Variants in CEP95 observed in about 807,000 individuals in gnomAD.
The protein encoded by CEP95 is centrosomal protein 95.
In CEP95, 98 loss-of-function variants were observed where a neutral mutation model predicts 111.2. The ratio of observed to expected loss-of-function variants is 0.88; its 90% CI spans 0.75 to 1.04. The LOEUF is 1.04. Ranked by LOEUF, CEP95 falls within the 50% of genes least tolerant of loss-of-function variation. The probability of loss-of-function intolerance (pLI) is 0.00; values close to 1 mark genes in which losing one functional copy is unlikely to be tolerated. For synonymous variants in CEP95, 323 were observed against 327.1 expected (o/e 0.99, Z 0.14); for missense variants, 1,027 against 977.2 (o/e 1.05, Z -0.68).
intron 14 of CEP95, 200 bp downstream of exon 14, chr17:64,532,222 T>C: frequency 2.4e-6 from 3 of 1,248,740 alleles, no homozygotes; most frequent in Non-Finnish European, 3.0e-6. Flanking sequence ...GGGAGGCCTA[T>C]ATATTGGCAC....
intron 3 of CEP95, among the ~76,000 whole-genome samples, chr17:64,513,983 G>A (rs1555675720): frequency 1.3e-5 from 2 of 152,126 alleles, no homozygotes; most frequent in Non-Finnish European, 2.9e-5. Flanking sequence ...GAAGGAATAT[G>A]CCAGTGAATT....
At position 64,537,666 on chromosome 17, in the gene CEP95, G is replaced by A. The variant is rs1968748418; in HGVS notation, c.2353G>A (p.Asp785Asn). The A allele has an allele frequency of 6.2e-7, 1 of 1,613,382 alleles. No individual in the cohort carries two copies. ...GGAGAAGGAAATTCAGCAGCTGCAG[G>A]ACATGATAACACAGAATGATGATGA... The part of the protein sequence containing the change: ...KMEKEIQQLQ[D>N]MITQNDDDVF... The change falls in exon 20 of 20, where the codon GAC becomes AAC. Residue 785 changes from aspartate (D) to asparagine (N), a missense_variant. Asp to Asn is a conservative substitution (Grantham distance 23, BLOSUM62 1). Coordinates refer to ENST00000556440, the MANE Select transcript of CEP95 (RefSeq NM_138363.3).
chr17:64,529,141 C>T lies in CEP95; in HGVS notation c.1307-147C>T, dbSNP rs1323810912. On this transcript the variant is annotated intron_variant, in intron 11 of 19. Transcript: ENST00000556440. Reference sequence around the variant, plus strand: ...CATTTGTCTGTTTACTTGGTGTTACCATACCAATTCAAGTTAGTTACAGGA... The same window carrying T: ...CATTTGTCTGTTTACTTGGTGTTACTATACCAATTCAAGTTAGTTACAGGA... 1.7e-5 allele frequency: 11 copies of T among 642,320 alleles called. No individual in the cohort carries two copies. In the African/African-American group the frequency reaches 1.8e-4, roughly 11 times the overall value. 39.8% of individuals were successfully genotyped at this position (642,320 alleles called of 1,614,324 possible).
rs782578136 is a variant in CEP95, at chr17:64,516,829, G to A, written c.473+1G>A. The A allele has an allele frequency of 3.3e-6, 5 of 1,520,576 alleles. No homozygotes were observed. Among genetic ancestry groups the A allele is most frequent in the Middle Eastern group, 1.7e-4 (1 of 5,878 alleles). The allele number at this position is 1,520,576 out of a possible 1,614,324, so 94.2% of individuals were successfully genotyped here. ...CATGGAAAAGAGTTTCTTTTGGGAG[G>A]TAGCACTTAGTGTCTCTGAATTTGA... On this transcript the variant is annotated splice_donor_variant, in intron 5 of 19. Coordinates refer to ENST00000556440, the MANE Select transcript of CEP95 (RefSeq NM_138363.3). LOFTEE classifies it high-confidence loss of function.
chr17:64,508,722 T>G lies in CEP95; in HGVS notation c.148+2T>G, dbSNP rs1333163915. 7.3e-7 allele frequency: 1 copy of G among 1,371,658 alleles called. No individual in the cohort carries two copies. The highest frequency in any genetic ancestry group is 9.5e-7 in the Non-Finnish European group (1 of 1,049,974). 85.0% of individuals were successfully genotyped at this position (1,371,658 alleles called of 1,614,324 possible). Reference sequence around the variant, plus strand: ...CTATTTTGGGAGAAAAGGTACCAGGTAAGAATACTAAAAGCAGGAGTAATT... The same window carrying G: ...CTATTTTGGGAGAAAAGGTACCAGGGAAGAATACTAAAAGCAGGAGTAATT... On this transcript the variant is annotated splice_donor_variant, in intron 2 of 19. Transcript: ENST00000556440. LOFTEE classifies it high-confidence loss of function.
chr17:64,527,056 G>A lies in CEP95; in HGVS notation c.1153-55G>A. On this transcript the variant is annotated intron_variant, in intron 10 of 19. Transcript: ENST00000556440. ...TTTTTAAAGGTCTGCCTACTCCTAC[G>A]AATTTACATTCTGCTGAAATCAGTG... 6 of 1,509,124 alleles carry A rather than the reference G, an allele frequency of 4.0e-6. No individual in the cohort carries two copies. In the South Asian group the frequency reaches 4.7e-5, roughly 12 times the overall value. 93.5% of individuals were successfully genotyped at this position (1,509,124 alleles called of 1,614,324 possible).
At chr17:64,534,372 G>A in intron 16 of CEP95, 1 of 508,750 alleles carries the variant, frequency 2.0e-6, no homozygotes, top group East Asian at 3.5e-5. Flanking sequence ...CAGGATCACT[G>A]CTGCCCTCTG....
chr17:64,521,875 G>A (rs140197512), intron 7 of CEP95, among the ~76,000 whole-genome samples: 5 of 151,750 alleles, frequency 3.3e-5, no homozygotes, highest in African/African-American at 9.7e-5. Context: ...TTATTGTTTC[G>A]AGACAGAGTC....
chr17:64,515,667 A>G (rs782660878), intron 4 of CEP95: 5 of 152,174 alleles, frequency 3.3e-5, no homozygotes, highest in Admixed American at 2.6e-4. Context: ...GCTTCCCTAT[A>G]TGACAGTACC....
At chr17:64,522,276 C>T (rs538812228) in intron 7 of CEP95, among the ~76,000 whole-genome samples, 2 of 152,258 alleles carry the variant, frequency 1.3e-5, no homozygotes, top group East Asian at 3.9e-4. Flanking sequence ...ACATAACATT[C>T]TTCAAGCCAT....
At position 64,510,682 on chromosome 17, in the gene CEP95, C is replaced by T. The variant is rs114088889; in HGVS notation, c.256+402C>T. ...CTCTCACCTCAGCCTCCCGGGTAGCCGGGGCTACAGGTGTGCACCACCATG... is the reference window on the plus strand; with the variant it reads ...CTCTCACCTCAGCCTCCCGGGTAGCTGGGGCTACAGGTGTGCACCACCATG... On this transcript the variant is annotated intron_variant, in intron 3 of 19. Transcript: ENST00000556440. Among the ~76,000 whole-genome samples, 394 of 152,266 alleles carry T rather than the reference C, an allele frequency of 2.6e-3. 2 individuals carry two copies. Among genetic ancestry groups the T allele is most frequent in the African/African-American group, 7.8e-3 (325 of 41,546 alleles).
intron 8 of CEP95, 78 bp from the exon 9 acceptor site, chr17:64,525,692 C>T (rs1555678913): frequency 5.6e-6 from 5 of 892,482 alleles, no homozygotes; most frequent in Non-Finnish European, 8.6e-6. Flanking sequence ...GCCACAGTTC[C>T]TCCCTTCCTC....
Position 64,507,048 on chromosome 17 carries a change from C to T in CEP95, c.-50C>T, listed in dbSNP as rs2038578060. Reference sequence around the variant, plus strand: ...GCGTGGATCGGTCCTTCCAGGACACCGTCGCCTTCCCGGCCGCGTCGGAGT... The same window carrying T: ...GCGTGGATCGGTCCTTCCAGGACACTGTCGCCTTCCCGGCCGCGTCGGAGT... On this transcript the variant is annotated 5_prime_UTR_variant, in exon 1 of 20. Coordinates refer to ENST00000556440, the MANE Select transcript of CEP95 (RefSeq NM_138363.3). The T allele has an allele frequency of 5.8e-6, 9 of 1,549,824 alleles. No individual in the cohort carries two copies. Among genetic ancestry groups the T allele is most frequent in the Admixed American group, 2.0e-5 (1 of 50,992 alleles).
chr17:64,510,329 ATTG>A (rs782496922), intron 3 of CEP95, 49 bp downstream of exon 3: 1 of 1,153,464 alleles, frequency 8.7e-7, no homozygotes, highest in African/African-American at 1.5e-5. Context: ...AGTAAAAATA[ATTG>A]TTAGAACTGT....
chr17:64,522,611 G>A, intron 7 of CEP95, 91 bp from the exon 8 acceptor site: 1 of 775,028 alleles, frequency 1.3e-6, no homozygotes. Context: ...TAATGTATGT[G>A]AACATGTTTA....
intron 17 of CEP95, 99 bp from the exon 18 acceptor site, chr17:64,536,503 T>TAA: frequency 1.2e-6 from 1 of 837,638 alleles, no homozygotes; most frequent in Non-Finnish European, 1.8e-6. Context: ...AAACTAGTAT[T>TAA]TAAAAAAAAA....
At chr17:64,513,859 C>T (rs372719312) in intron 3 of CEP95, among the ~76,000 whole-genome samples, 3 of 152,244 alleles carry the variant, frequency 2.0e-5, no homozygotes, top group African/African-American at 7.2e-5. Flanking sequence ...AGTGTTCTCT[C>T]CTGCCACTTT....
intron 16 of CEP95, among the ~76,000 whole-genome samples, chr17:64,533,602 G>T (rs1968440508): frequency 6.6e-6 from 1 of 152,094 alleles, no homozygotes; most frequent in Non-Finnish European, 1.5e-5. Context: ...GTGAGACCCT[G>T]TCTCAACAAC....
chr17:64,525,644 C>A, intron 8 of CEP95, 126 bp from the exon 9 acceptor site: 1 of 591,490 alleles, frequency 1.7e-6, no homozygotes, highest in South Asian at 2.0e-5. Flanking sequence ...TTGACAAATG[C>A]ACTTCAAAAC....
Sources: gnomAD v4.1 joint callset for allele counts (sites outside exome capture counted in the v4.1 genomes callset) on GRCh38, gnomAD v4.1.1 for gene constraint, MANE v1.5 for transcripts, NCBI Gene and HGNC (gene_info 2026-07-23, HGNC 2026-07-21) for gene names.